Variants in BHLHE41 observed in about 807,000 individuals in gnomAD.
The protein encoded by BHLHE41 is basic helix-loop-helix family member e41.
Under a neutral mutation model 24.0 loss-of-function variants are expected in BHLHE41, and 14 were observed. That is an observed-to-expected ratio of 0.58 (90% CI 0.39 to 0.91). The LOEUF (loss-of-function observed/expected upper bound fraction) is 0.91, where lower values mean the gene tolerates loss of function less well. BHLHE41 is among the 40% of genes least tolerant of loss of function. The probability of loss-of-function intolerance (pLI) is 0.00; values close to 1 mark genes in which losing one functional copy is unlikely to be tolerated. For synonymous variants in BHLHE41, 394 were observed against 315.5 expected, an observed-to-expected ratio of 1.25 and a Z score of -2.64; for missense variants, 674 against 655.4, an observed-to-expected ratio of 1.03 and a Z score of -0.31.
intron 2 of BHLHE41, 74 bp from the exon 3 acceptor site, chr12:26,124,253 G>GCCCCCCCCCCCCCCCCC (rs5797164): frequency 1.3e-6 from 1 of 755,862 alleles, no homozygotes; most frequent in Non-Finnish European, 2.2e-6. Context: ...ACCCTCGTCT[G>GCCCCCCCCCCCCCCCCC]CCCCCCCCGC....
chr12:26,122,137 GC>G lies in BHLHE41; in HGVS notation c.1377del (p.Arg461AlafsTer42). 1 of 1,548,858 alleles carries G rather than the reference GC, an allele frequency of 6.5e-7. No individual in the cohort carries two copies. The highest frequency in any genetic ancestry group is 8.7e-7 in the Non-Finnish European group (1 of 1,146,302). Reference protein sequence around the residue: ...PHGRTHLPFAGPREPGNPESS... With the variant: ...PHGRTHLPFAXPREPGNPESS... Reference sequence around the variant, plus strand: ...CTCTCCGGGTTCCCCGGCTCGCGGGGCCCGGCGAAGGGCAGGTGGGTGCGGC... The same window carrying G: ...CTCTCCGGGTTCCCCGGCTCGCGGGGCCGGCGAAGGGCAGGTGGGTGCGGC... On this transcript the variant is annotated frameshift_variant, in exon 5 of 5. Transcript: ENST00000242728. LOFTEE classifies it high-confidence loss of function.
rs1565664025 is a variant in BHLHE41 at position 26,121,969 on chromosome 12, C to CT, written c.*96dup. 1 of 1,538,672 alleles carries CT rather than the reference C, an allele frequency of 6.5e-7. No homozygotes were observed. Among genetic ancestry groups the CT allele is most frequent in the South Asian group, 1.2e-5 (1 of 83,258 alleles). On this transcript the variant is annotated 3_prime_UTR_variant, in exon 5 of 5. Coordinates refer to ENST00000242728, the MANE Select transcript of BHLHE41 (RefSeq NM_030762.3). ...CTATTACACTTCCTCCCTTAAAGAC[C>CT]TTAAGGGTATTTTAACTTCTCACTC...
At position 26,122,451 on chromosome 12, in the gene BHLHE41, G is replaced by A; in HGVS notation, c.1064C>T (p.Ser355Leu). The change falls in exon 5 of 5, where the codon TCG (serine) becomes TTG (leucine). Residue 355 changes from serine (S) to leucine (L), a missense_variant. Coordinates refer to ENST00000242728, the MANE Select transcript of BHLHE41 (RefSeq NM_030762.3). Reference protein sequence around the residue: ...APFCLPFCFLSPSAAAAYVQP... With the variant: ...APFCLPFCFLLPSAAAAYVQP... ...CACGTAGGCGGCAGCTGCAGAAGGC[G>A]AGAGGAAGCAGAAGGGCAGGCAGAA... 7.4e-7 allele frequency: 1 copy of A among 1,358,528 alleles called. No individual in the cohort carries two copies. The allele number at this position is 1,358,528 out of a possible 1,614,324, so 84.2% of individuals were successfully genotyped here. A position where few individuals can be genotyped will look rare whatever the true frequency, so the allele number is the denominator to read the frequency against.
chr12:26,124,875 C>A lies in BHLHE41; in HGVS notation c.-96G>T. 1 of 1,189,824 alleles carries A rather than the reference C, an allele frequency of 8.4e-7. No individual in the cohort carries two copies. Among genetic ancestry groups the A allele is most frequent in the Non-Finnish European group, 1.2e-6 (1 of 800,048 alleles). 73.7% of individuals were successfully genotyped at this position (1,189,824 alleles called of 1,614,324 possible). On this transcript the variant is annotated 5_prime_UTR_variant, in exon 1 of 5. Transcript: ENST00000242728. ...TTGGGAGACCTTGGGGGGATCTGTGCGTCTCCAGTCTCTCTCTCGCTCTCC... is the reference window on the plus strand; with the variant it reads ...TTGGGAGACCTTGGGGGGATCTGTGAGTCTCCAGTCTCTCTCTCGCTCTCC...
intron 3 of BHLHE41, 44 bp downstream of exon 3, chr12:26,124,028 A>G: frequency 1.5e-6 from 2 of 1,308,434 alleles, no homozygotes; most frequent in Non-Finnish European, 2.2e-6. Context: ...CAGACTATTA[A>G]CACGCCCTTG....
At position 26,123,683 on chromosome 12, in the gene BHLHE41, G is replaced by A. The variant is rs1338336404; in HGVS notation, c.293C>T (p.Ala98Val). 6.2e-7 allele frequency: 1 copy of A among 1,613,876 alleles called. No homozygotes were observed. Among genetic ancestry groups the A allele is most frequent in the African/African-American group, 1.3e-5 (1 of 74,926 alleles). ...VLELTLKHLK[A>V]LTALTEQQHQ... is the part of the protein sequence containing the mutation. ...CTGTTGCTCGGTTAAGGCGGTTAAAGCTTTTAAGTGTTTCAAAGTTAATTC... is the reference window on the plus strand; with the variant it reads ...CTGTTGCTCGGTTAAGGCGGTTAAAACTTTTAAGTGTTTCAAAGTTAATTC... Residue 98 changes from alanine (A) to valine (V), a missense_variant, in exon 4 of 5, where the codon GCT (alanine) becomes GTT (valine). Around this residue, in one of 3 missense-constraint regions of BHLHE41, gnomAD observed 602 missense variants for 570.8 expected, o/e 1.05. Coordinates refer to ENST00000242728, the MANE Select transcript of BHLHE41 (RefSeq NM_030762.3).
chr12:26,121,593 A>C lies in BHLHE41; in HGVS notation c.*473T>G, dbSNP rs193072304. On this transcript the variant is annotated 3_prime_UTR_variant, in exon 5 of 5. Coordinates refer to ENST00000242728, the MANE Select transcript of BHLHE41 (RefSeq NM_030762.3). ...GGGCAGCTTTGAGAACTAGCTCTAC[A>C]TAACAACTACCTGCTGTTCCATGTC... 385 of 156,946 alleles carry C rather than the reference A, an allele frequency of 2.5e-3. 1 individual carries two copies. The highest frequency in any genetic ancestry group is 3.6e-3 in the Non-Finnish European group (257 of 70,830). The allele number at this position is 156,946 out of a possible 1,614,324, so 9.7% of individuals were successfully genotyped here. A position where few individuals can be genotyped will look rare whatever the true frequency, so the allele number is the denominator to read the frequency against.
intron 3 of BHLHE41, 23 bp from the exon 4 acceptor site, chr12:26,123,764 C>A (rs1178737869): frequency 6.7e-7 from 1 of 1,502,530 alleles, no homozygotes; most frequent in South Asian, 1.1e-5. Context: ...AAAAAAGAAA[C>A]GGGCACTTGG....
rs529642432 is a variant in BHLHE41, at chr12:26,122,765, C to T, written c.750G>A (p.Pro250=). The change falls in exon 5 of 5, where the codon CCG becomes CCA. Residue 250 remains proline, a synonymous_variant. Coordinates refer to ENST00000242728, the MANE Select transcript of BHLHE41 (RefSeq NM_030762.3). The part of the protein sequence containing the change: ...SGYGGEAEAR[P]DREKGKGAGA... Reference sequence around the variant, plus strand: ...CCGCGCCTTTGCCTTTCTCGCGGTCCGGCCGGGCCTCGGCTTCGCCGCCGT... The same window carrying T: ...CCGCGCCTTTGCCTTTCTCGCGGTCTGGCCGGGCCTCGGCTTCGCCGCCGT... The T allele has an allele frequency of 1.3e-4, 213 of 1,592,424 alleles. 1 individual carries two copies. The South Asian group carries it at 1.8e-3, about 13-fold the overall frequency.
intron 3 of BHLHE41, 133 bp from the exon 4 acceptor site, chr12:26,123,874 T>A: frequency 1.3e-6 from 1 of 785,020 alleles, no homozygotes; most frequent in East Asian, 2.5e-5. Flanking sequence ...TTCTTGAGCT[T>A]TCCACAAGAC....
rs1414600891 is a variant in BHLHE41, at chr12:26,121,888, C to T, written c.*178G>A. On this transcript the variant is annotated 3_prime_UTR_variant, in exon 5 of 5. Transcript: ENST00000242728. ...TGGTGCGGGATGAGCAAAACAGGAA[C>T]TCCGAATGTACACATAACACCTGTT... is the stretch of plus-strand genomic sequence containing the variant. 1.4e-6 allele frequency: 2 copies of T among 1,479,062 alleles called. No individual in the cohort carries two copies. Among genetic ancestry groups the T allele is most frequent in the Non-Finnish European group, 1.8e-6 (2 of 1,108,718 alleles). 91.6% of individuals were successfully genotyped at this position (1,479,062 alleles called of 1,614,324 possible).
Position 26,122,638 on chromosome 12 carries a change from G to A in BHLHE41, c.877C>T (p.Pro293Ser). ...DSRGGGSGGG[P>S]GGGAAAAAAA... ...GCCGCCGCCGCCGCGCCGCCCCCCG[G>A]GCCGCCGCCGCTGCCGCCGCCGCGG... The change falls in exon 5 of 5, where the codon CCG (proline) becomes TCG (serine). Residue 293 changes from proline to serine, a missense_variant. Coordinates refer to ENST00000242728, the MANE Select transcript of BHLHE41 (RefSeq NM_030762.3). The A allele has an allele frequency of 3.8e-6, 5 of 1,304,252 alleles. No individual in the cohort carries two copies. Among genetic ancestry groups the A allele is most frequent in the African/African-American group, 1.5e-5 (1 of 65,316 alleles). The allele number at this position is 1,304,252 out of a possible 1,614,324, so 80.8% of individuals were successfully genotyped here. A position where few individuals can be genotyped will look rare whatever the true frequency, so the allele number is the denominator to read the frequency against.
chr12:26,123,308 T>G lies in BHLHE41; in HGVS notation c.347-140A>C, dbSNP rs1944331762. 4.1e-6 allele frequency: 5 copies of G among 1,211,846 alleles called. No individual in the cohort carries two copies. In the East Asian group the frequency reaches 1.3e-4, roughly 31 times the overall value. 75.1% of individuals were successfully genotyped at this position (1,211,846 alleles called of 1,614,324 possible). ...GTTTTTCCCCAGTATTCAAGTGATA[T>G]AATCCACCAGTTGACGAGAGAAGCG... On this transcript the variant is annotated intron_variant, in intron 4 of 4. Coordinates refer to ENST00000242728, the MANE Select transcript of BHLHE41 (RefSeq NM_030762.3).
chr12:26,124,384 G>A, intron 2 of BHLHE41, 135 bp downstream of exon 2: 1 of 1,004,530 alleles, frequency 1.0e-6, no homozygotes, highest in South Asian at 1.3e-5. Flanking sequence ...AGAGTACCCA[G>A]CAAGCCACTT....
At position 26,124,820 on chromosome 12, in the gene BHLHE41, C is replaced by A. The variant is rs376683112; in HGVS notation, c.-41G>T. On this transcript the variant is annotated 5_prime_UTR_variant, in exon 1 of 5. Transcript: ENST00000242728. ...GTTTCCTCTGTTTCGATTTTTGGGG[C>A]TCTGTACAATAATCTGTGGGACGGT... 2 of 1,600,886 alleles carry A rather than the reference C, an allele frequency of 1.2e-6. No individual in the cohort carries two copies. The highest frequency in any genetic ancestry group is 1.7e-6 in the Non-Finnish European group (2 of 1,168,330).
Position 26,122,800 on chromosome 12 carries a change from C to G in BHLHE41, c.715G>C (p.Asp239His). ...TCGGCTTCGCCGCCGTAGCCGCTGT[C>G]GGTGTCCGTGTCGTTCTCGGCGGCG... Reference protein sequence around the residue: ...ELAAENDTDTDSGYGGEAEAR... With the variant: ...ELAAENDTDTHSGYGGEAEAR... The change falls in exon 5 of 5, where the codon GAC (aspartate) becomes CAC (histidine). Residue 239 changes from aspartate (D) to histidine (H), a missense_variant. Asp to His is a moderately conservative substitution (Grantham distance 81, BLOSUM62 -1). Around this residue, in one of 3 missense-constraint regions of BHLHE41, gnomAD observed 602 missense variants for 570.8 expected, o/e 1.05. Transcript: ENST00000242728. 6.3e-7 allele frequency: 1 copy of G among 1,593,078 alleles called. No homozygotes were observed. Among genetic ancestry groups the G allele is most frequent in the Non-Finnish European group, 8.5e-7 (1 of 1,174,888 alleles).
rs1168073617 is a variant in BHLHE41 at position 26,121,268 on chromosome 12, A to G, written c.*798T>C. 6.6e-6 allele frequency: 1 copy of G among 152,622 alleles called. No individual in the cohort carries two copies. Among genetic ancestry groups the G allele is most frequent in the Non-Finnish European group, 1.5e-5 (1 of 68,046 alleles). The allele number at this position is 152,622 out of a possible 1,614,324, so 9.5% of individuals were successfully genotyped here. Reference sequence around the variant, plus strand: ...GAAATTAAGATGAGTCCATTAATTCATGGTCAATTTCTCAATAAAGTGTTA... The same window carrying G: ...GAAATTAAGATGAGTCCATTAATTCGTGGTCAATTTCTCAATAAAGTGTTA... On this transcript the variant is annotated 3_prime_UTR_variant, in exon 5 of 5. Transcript: ENST00000242728.
At position 26,121,901 on chromosome 12, in the gene BHLHE41, CATAACACCTGTTT is replaced by C; in HGVS notation, c.*152_*164del. 1 of 1,515,654 alleles carries C rather than the reference CATAACACCTGTTT, an allele frequency of 6.6e-7. No homozygotes were observed. 93.9% of individuals were successfully genotyped at this position (1,515,654 alleles called of 1,614,324 possible). A position where few individuals can be genotyped will look rare whatever the true frequency, so the allele number is the denominator to read the frequency against. On this transcript the variant is annotated 3_prime_UTR_variant, in exon 5 of 5. Coordinates refer to ENST00000242728, the MANE Select transcript of BHLHE41 (RefSeq NM_030762.3). Reference sequence around the variant, plus strand: ...GCAAAACAGGAACTCCGAATGTACACATAACACCTGTTTTGTTGTTCTTGTTTATGCCTGTCGT... The same window carrying C: ...GCAAAACAGGAACTCCGAATGTACACTGTTGTTCTTGTTTATGCCTGTCGT...
intron 2 of BHLHE41, 22 bp from the exon 3 acceptor site, chr12:26,124,201 A>C (rs766265352): frequency 2.1e-5 from 31 of 1,484,768 alleles, no homozygotes; most frequent in Middle Eastern, 3.4e-4. Flanking sequence ...AGAGTCATGG[A>C]AAAGAGAAAA....
Sources: gnomAD v4.1 joint callset for allele counts on GRCh38, gnomAD v4.1.1 for gene constraint, gnomAD v4.1.1 regional missense constraint, MANE v1.5 for transcripts, NCBI Gene and HGNC (gene_info 2026-07-23, HGNC 2026-07-21) for gene names.